JMJD1C: variants seen among roughly 807,000 people sequenced by gnomAD.
JMJD1C encodes jumonji domain-containing protein 1C.
In JMJD1C, 31 loss-of-function variants were observed where a neutral mutation model predicts 245.3. The ratio of observed to expected loss-of-function variants is 0.13; its 90% confidence interval spans 0.09 to 0.17. JMJD1C has a LOEUF of 0.17. JMJD1C is among the 10% of genes least tolerant of loss of function. The probability of loss-of-function intolerance (pLI) is 1.00; values close to 1 mark genes in which losing one functional copy is unlikely to be tolerated. For missense variants in JMJD1C, 2,691 were observed against 3,000.2 expected, an observed-to-expected ratio of 0.90 and a Z score of 2.41; for synonymous variants, 1,057 against 1,017.4, an observed-to-expected ratio of 1.04 and a Z score of -0.74.
intron 1 of JMJD1C, among the ~76,000 whole-genome samples, chr10:63,474,059 A>G (rs887983270): frequency 3.3e-5 from 5 of 151,904 alleles, no homozygotes; most frequent in Non-Finnish European, 7.4e-5. Flanking sequence ...AAAGAAAAGA[A>G]AAAAAGAAAT....
intron 18 of JMJD1C, 36 bp downstream of exon 18, chr10:63,189,132 C>T (rs1844468773): frequency 6.5e-7 from 1 of 1,549,200 alleles, no homozygotes; most frequent in Non-Finnish European, 8.7e-7. Flanking sequence ...GCTTCAGTTC[C>T]ACCAAGAGTG....
At chr10:63,311,325 G>C (rs979935324) in intron 2 of JMJD1C, among the ~76,000 whole-genome samples, 8 of 152,114 alleles carry the variant, frequency 5.3e-5, no homozygotes, top group African/African-American at 1.9e-4. Context: ...GTTGCAGTGA[G>C]CTGAGATGGC....
chr10:63,450,421 A>T (rs918922882), intron 1 of JMJD1C, among the ~76,000 whole-genome samples: 1 of 152,142 alleles, frequency 6.6e-6, no homozygotes, highest in East Asian at 1.9e-4. Context: ...CCATAGGACT[A>T]CTGCCTGGGT....
At chr10:63,520,051 GAATT>G (rs1472669832) in intron 1 of JMJD1C, among the ~76,000 whole-genome samples, 7 of 152,188 alleles carry the variant, frequency 4.6e-5, no homozygotes, top group East Asian at 1.9e-4. Context: ...GTCTTGACAT[GAATT>G]AATAAGCGAA....
intron 1 of JMJD1C, among the ~76,000 whole-genome samples, chr10:63,449,205 T>C (rs2132998603): frequency 6.6e-6 from 1 of 152,334 alleles, no homozygotes; most frequent in East Asian, 1.9e-4. Context: ...CTAAAATGTT[T>C]TTAAATCTGT....
chr10:63,461,134 G>A (rs965318114), intron 1 of JMJD1C, among the ~76,000 whole-genome samples: 28 of 152,122 alleles, frequency 1.8e-4, no homozygotes, highest in African/African-American at 5.1e-4. Flanking sequence ...CACCATTGGG[G>A]CAATTTCGTC....
intron 2 of JMJD1C, among the ~76,000 whole-genome samples, chr10:63,299,572 A>C (rs1859844529): frequency 6.6e-6 from 1 of 152,292 alleles, no homozygotes; most frequent in African/African-American, 2.4e-5. Context: ...CTACGGCACA[A>C]ACAATAGCAC....
intron 2 of JMJD1C, among the ~76,000 whole-genome samples, chr10:63,267,496 A>C (rs1855737343): frequency 6.6e-6 from 1 of 152,172 alleles, no homozygotes; most frequent in Non-Finnish European, 1.5e-5. Context: ...GGTGCACTGG[A>C]ATGTAAAGAA....
intron 1 of JMJD1C, among the ~76,000 whole-genome samples, chr10:63,459,621 C>T (rs1564942811): frequency 6.6e-6 from 1 of 152,176 alleles, no homozygotes; most frequent in African/African-American, 2.4e-5. Flanking sequence ...ACATATCACC[C>T]TTTTTGAAAA....
chr10:63,203,314 T>G, intron 10 of JMJD1C: 2 of 983,006 alleles, frequency 2.0e-6, no homozygotes, highest in South Asian at 9.4e-5. Context: ...ATTAAGACAC[T>G]TAGTCAACAA....
chr10:63,191,847 T>C (rs1194541962), intron 16 of JMJD1C, among the ~76,000 whole-genome samples: 1 of 151,010 alleles, frequency 6.6e-6, no homozygotes, highest in Non-Finnish European at 1.5e-5. Context: ...CAGCTGGGCA[T>C]TGTGGCACGT....
At chr10:63,415,842 C>T (rs1564896630) in intron 1 of JMJD1C, among the ~76,000 whole-genome samples, 1 of 152,178 alleles carries the variant, frequency 6.6e-6, no homozygotes, top group Non-Finnish European at 1.5e-5. Flanking sequence ...ACTATCAATT[C>T]ATCACTTCAT....
At chr10:63,308,725 T>C (rs896939161) in intron 2 of JMJD1C, among the ~76,000 whole-genome samples, 3 of 122,446 alleles carry the variant, frequency 2.5e-5, no homozygotes, top group Non-Finnish European at 3.5e-5. Flanking sequence ...AAAAATAAAA[T>C]TGAAATGACA....
intron 2 of JMJD1C, among the ~76,000 whole-genome samples, chr10:63,273,365 T>C (rs1856507905): frequency 6.6e-6 from 1 of 152,184 alleles, no homozygotes; most frequent in Admixed American, 6.5e-5. Flanking sequence ...CTAATATAAA[T>C]ATATTAATGT....
At chr10:63,305,285 T>C (rs939238414) in intron 2 of JMJD1C, among the ~76,000 whole-genome samples, 3 of 150,778 alleles carry the variant, frequency 2.0e-5, no homozygotes, top group African/African-American at 7.3e-5. Context: ...GGAGAATCGC[T>C]TGAACCCGGA....
intron 3 of JMJD1C, among the ~76,000 whole-genome samples, chr10:63,236,381 A>G (rs1463013060): frequency 6.6e-6 from 1 of 152,214 alleles, no homozygotes; most frequent in Non-Finnish European, 1.5e-5. Context: ...TTAAGAAAAC[A>G]TTATAAAACC....
intron 2 of JMJD1C, among the ~76,000 whole-genome samples, chr10:63,305,939 G>T (rs1283551158): frequency 1.3e-5 from 2 of 151,564 alleles, no homozygotes; most frequent in Non-Finnish European, 2.9e-5. Context: ...GCCCACGCTG[G>T]AATCAAACTT....
rs534785953 is a variant in JMJD1C, at chr10:63,206,532, A to G, written c.5074+63T>C. ...TAAGCTCACTGATCTTTAAAGCAGCACACTAGTATAGCTAAAACATTCAGC... is the reference window on the plus strand; with the variant it reads ...TAAGCTCACTGATCTTTAAAGCAGCGCACTAGTATAGCTAAAACATTCAGC... On this transcript the variant is annotated intron_variant, in intron 10 of 25. Transcript: ENST00000399262. 4 of 1,293,898 alleles carry G rather than the reference A, an allele frequency of 3.1e-6. No homozygotes were observed. The South Asian group carries it at 6.0e-5, about 19-fold the overall frequency. 80.2% of individuals were successfully genotyped at this position (1,293,898 alleles called of 1,614,324 possible).
intron 2 of JMJD1C, among the ~76,000 whole-genome samples, chr10:63,338,520 A>T (rs576826330): frequency 9.9e-5 from 15 of 152,270 alleles, no homozygotes; most frequent in Admixed American, 3.3e-4. Context: ...AGGCACCGCT[A>T]AGATAGACCT....
Sources: allele counts gnomAD v4.1 joint callset (sites outside exome capture counted in the v4.1 genomes callset), GRCh38; gene constraint gnomAD v4.1.1; transcripts MANE v1.5; gene names NCBI Gene and HGNC (gene_info 2026-07-23, HGNC 2026-07-21).